CEP57: variants seen among roughly 807,000 people sequenced by gnomAD.
CEP57 encodes centrosomal protein 57, also known as centrosomal protein of 57 kDa.
A neutral mutation model predicts 68.0 loss-of-function variants in CEP57; 40 were observed. The observed-to-expected ratio is 0.59, with a 90% CI of 0.46 to 0.77. The LOEUF is 0.77. Among genes scored for constraint, CEP57 ranks in the 30% least tolerant of loss-of-function variants. CEP57 has a pLI of 0.00. For synonymous variants in CEP57, 219 were observed against 198.7 expected (o/e 1.10, Z -0.86); for missense variants, 606 against 580.7 (o/e 1.04, Z -0.45).
At chr11:95,821,288 T>G (rs1862508679) in intron 6 of CEP57, among the ~76,000 whole-genome samples, 1 of 152,206 alleles carries the variant, frequency 6.6e-6, no homozygotes, top group Admixed American at 6.5e-5. Context: ...TCTTAGTGCT[T>G]GTGGAATTTC....
intron 3 of CEP57, 89 bp from the exon 4 acceptor site, chr11:95,813,379 A>G (rs1325108054): frequency 2.0e-6 from 3 of 1,474,180 alleles, no homozygotes; most frequent in Non-Finnish European, 1.9e-6. Flanking sequence ...TTTTTATTGT[A>G]TACACAATAG....
At chr11:95,804,457 A>C (rs903953515) in intron 2 of CEP57, among the ~76,000 whole-genome samples, 2 of 152,196 alleles carry the variant, frequency 1.3e-5, no homozygotes, top group Non-Finnish European at 1.5e-5. Flanking sequence ...GAGATGATGG[A>C]ATTTTAAATG....
Position 95,790,730 on chromosome 11 carries a change from G to C in CEP57, c.32G>C (p.Gly11Ala). The change falls in exon 1 of 11, where the codon GGT (glycine) becomes GCT (alanine). Residue 11 changes from glycine (G) to alanine (A), a missense_variant. Transcript: ENST00000325542. ...GCGGCGTCTGTCTCTGCGGCTTCTG[G>C]TTCTCACTTGTCGGTAAGAAGCAGT... MAAASVSAAS[G>A]SHLSNSFAEP... 6.2e-7 allele frequency: 1 copy of C among 1,614,064 alleles called. No individual in the cohort carries two copies. The highest frequency in any genetic ancestry group is 2.2e-5 in the East Asian group (1 of 44,882).
At chr11:95,824,180 AGACT>A (rs1251096227) in intron 8 of CEP57, among the ~76,000 whole-genome samples, 1 of 151,908 alleles carries the variant, frequency 6.6e-6, no homozygotes, top group Non-Finnish European at 1.5e-5. Flanking sequence ...CAGGAGTTCG[AGACT>A]GTAGTAAGCG....
At chr11:95,805,145 A>C (rs1861740095) in intron 2 of CEP57, among the ~76,000 whole-genome samples, 1 of 152,216 alleles carries the variant, frequency 6.6e-6, no homozygotes, top group Non-Finnish European at 1.5e-5. Context: ...TAATTTAATG[A>C]AGGAGTGCAA....
At chr11:95,819,602 C>T (rs1862437933) in intron 6 of CEP57, among the ~76,000 whole-genome samples, 1 of 152,134 alleles carries the variant, frequency 6.6e-6, no homozygotes, top group Non-Finnish European at 1.5e-5. Context: ...GCTCAAATTC[C>T]TCCCAGATAC....
chr11:95,805,686 T>C (rs1345767475), intron 2 of CEP57, among the ~76,000 whole-genome samples: 1 of 152,206 alleles, frequency 6.6e-6, no homozygotes, highest in East Asian at 1.9e-4. Context: ...ATTTATATAA[T>C]ATAGGTGACT....
Position 95,831,268 on chromosome 11 carries a change from G to A in CEP57, c.*12G>A. The A allele has an allele frequency of 6.3e-7, 1 of 1,579,470 alleles. No homozygotes were observed. The highest frequency in any genetic ancestry group is 8.7e-7 in the Non-Finnish European group (1 of 1,149,532). On this transcript the variant is annotated 3_prime_UTR_variant, in exon 11 of 11. Coordinates refer to ENST00000325542, the MANE Select transcript of CEP57 (RefSeq NM_014679.5). ...GTTGGGATTACTGACTCATAACCAG[G>A]TCAGAAATTTTATTCAGATAATCTG...
rs375205955 is a variant in CEP57, at chr11:95,817,331, A to C, written c.505-456A>C. On this transcript the variant is annotated intron_variant, in intron 4 of 10. Coordinates refer to ENST00000325542, the MANE Select transcript of CEP57 (RefSeq NM_014679.5). ...GCGGTGAGCCGAGATCAGCCACTGC[A>C]CTCTGGCCTGGGCGACAGAGCGAGA... Among the ~76,000 whole-genome samples, 5 of 152,182 alleles carry C rather than the reference A, an allele frequency of 3.3e-5. No individual in the cohort carries two copies. The East Asian group carries it at 9.6e-4, about 29-fold the overall frequency.
intron 8 of CEP57, among the ~76,000 whole-genome samples, chr11:95,824,069 A>C (rs11021329): frequency 8.1e-6 from 1 of 123,920 alleles, no homozygotes; most frequent in African/African-American, 2.9e-5. Flanking sequence ...CTGAAGGCCT[A>C]TTGTAAAAAA....
Position 95,821,857 on chromosome 11 carries a change from C to G in CEP57, c.700-14C>G, listed in dbSNP as rs941528018. 1 of 1,551,184 alleles carries G rather than the reference C, an allele frequency of 6.4e-7. No homozygotes were observed. Among genetic ancestry groups the G allele is most frequent in the Non-Finnish European group, 8.9e-7 (1 of 1,124,654 alleles). On this transcript the variant is annotated splice_polypyrimidine_tract_variant and intron_variant, in intron 6 of 10. Coordinates refer to ENST00000325542, the MANE Select transcript of CEP57 (RefSeq NM_014679.5). ...ATTTCTACAGCATTAACTTGAGGCT[C>G]TCATTTTTCCTAGTTGCAGACTGGT...
At chr11:95,805,634 T>C (rs1861766293) in intron 2 of CEP57, among the ~76,000 whole-genome samples, 2 of 152,348 alleles carry the variant, frequency 1.3e-5, no homozygotes, top group South Asian at 4.1e-4. Context: ...AATTAGTGTT[T>C]AGACAAAATG....
chr11:95,823,481 T>G (rs893763979), intron 8 of CEP57, among the ~76,000 whole-genome samples: 2 of 152,176 alleles, frequency 1.3e-5, no homozygotes, highest in African/African-American at 2.4e-5. Context: ...AGTTGGTATG[T>G]CATAGATGCA....
rs1202501947 is a variant in CEP57 at position 95,832,143 on chromosome 11, C to G, written c.*887C>G. ...GAATATAAACTGTACACATAATTAT[C>G]ATGTTGATATAAATCATAATTTCAA... On this transcript the variant is annotated 3_prime_UTR_variant, in exon 11 of 11. Transcript: ENST00000325542. 6.6e-6 allele frequency: 1 copy of G among 152,038 alleles called. No homozygotes were observed. The highest frequency in any genetic ancestry group is 2.4e-5 in the African/African-American group (1 of 41,408). 9.4% of individuals were successfully genotyped at this position (152,038 alleles called of 1,614,324 possible). A position where few individuals can be genotyped will look rare whatever the true frequency, so the allele number is the denominator to read the frequency against.
chr11:95,822,633 C>G, intron 8 of CEP57, 57 bp downstream of exon 8: 1 of 1,319,324 alleles, frequency 7.6e-7, no homozygotes, highest in South Asian at 1.2e-5. Flanking sequence ...GAATTAAGTC[C>G]CTGCATCTGC....
chr11:95,812,237 AATAC>A (rs1164406465), intron 2 of CEP57, among the ~76,000 whole-genome samples: 1 of 152,074 alleles, frequency 6.6e-6, no homozygotes, highest in Non-Finnish European at 1.5e-5. Flanking sequence ...AATAGTTACT[AATAC>A]ATTTACTAAT....
In CEP57 at chr11:95,799,287, C is replaced by T; in HGVS notation, c.101C>T (p.Ser34Phe). The T allele has an allele frequency of 1.2e-6, 2 of 1,614,104 alleles. No individual in the cohort carries two copies. Among genetic ancestry groups the T allele is most frequent in the Middle Eastern group, 1.7e-4 (1 of 6,060 alleles). The part of the protein sequence containing the change: ...SNGSMVRHSS[S>F]PYVVYPSDKP... The stretch of plus-strand genomic sequence containing the variant: ...GGAAGCATGGTTCGGCATTCTTCAT[C>T]TCCATATGTAGTATATCCTTCGGAT... The change falls in exon 2 of 11, where the codon TCT becomes TTT. Residue 34 changes from serine (S) to phenylalanine (F), a missense_variant. Transcript: ENST00000325542.
At chr11:95,824,850 A>G (rs960573284) in intron 8 of CEP57, among the ~76,000 whole-genome samples, 1 of 152,192 alleles carries the variant, frequency 6.6e-6, no homozygotes, top group African/African-American at 2.4e-5. Context: ...AAATATACCC[A>G]ACTGCCAGTC....
chr11:95,803,173 G>T (rs745656066), intron 2 of CEP57, among the ~76,000 whole-genome samples: 19 of 152,146 alleles, frequency 1.2e-4, no homozygotes, highest in Non-Finnish European at 1.9e-4. Context: ...TTGAGTCTAA[G>T]ATTTCTAGTG....
Sources: allele counts gnomAD v4.1 joint callset (sites outside exome capture counted in the v4.1 genomes callset), GRCh38; gene constraint gnomAD v4.1.1; transcripts MANE v1.5; gene names NCBI Gene and HGNC (gene_info 2026-07-23, HGNC 2026-07-21).